The following SLX4IP variants were observed in gnomAD, a reference collection of about 807,000 sequenced individuals.
SLX4IP encodes protein SLX4IP.
In SLX4IP, 34 loss-of-function variants were observed where a neutral mutation model predicts 32.9. The observed-to-expected ratio is 1.03, with a 90% CI of 0.79 to 1.38. SLX4IP has a LOEUF of 1.38. Ranked by LOEUF, SLX4IP falls within the 40% of genes most tolerant of loss-of-function variation. The probability of loss-of-function intolerance (pLI) is 0.00; values close to 1 mark genes in which losing one functional copy is unlikely to be tolerated. For missense variants in SLX4IP, 444 were observed against 479.0 expected (o/e 0.93, Z 0.68); for synonymous variants, 172 against 171.7 (o/e 1.00, Z -0.01).
chr20:10,454,434 A>C (rs1032577574), intron 1 of SLX4IP, among the ~76,000 whole-genome samples: 1 of 151,982 alleles, frequency 6.6e-6, no homozygotes, highest in Non-Finnish European at 1.5e-5. Flanking sequence ...TGTATTCCCT[A>C]ATGTCTCTTT....
At chr20:10,606,640 T>C (rs1033700438) in intron 6 of SLX4IP, among the ~76,000 whole-genome samples, 1 of 152,292 alleles carries the variant, frequency 6.6e-6, no homozygotes, top group Non-Finnish European at 1.5e-5. Flanking sequence ...ATGACCAATA[T>C]TGTACATATT....
At position 10,512,609 on chromosome 20, in the gene SLX4IP, AATATATATAGT is replaced by A. The variant is rs557046131; in HGVS notation, c.28-43619_28-43609del. ...GTATATATACATTATATATATATAA[AATATATATAGT>A]ATTATATATTATATATAGTATATAT... On this transcript the variant is annotated intron_variant, in intron 2 of 7. Transcript: ENST00000334534. Among the ~76,000 whole-genome samples the A allele has an allele frequency of 5.2e-4, 75 of 144,400 alleles. No individual in the cohort carries two copies. In the East Asian group the frequency reaches 0.01, roughly 19 times the overall value. 94.7% of individuals were successfully genotyped at this position (144,400 alleles called of 152,430 possible). A position where few individuals can be genotyped will look rare whatever the true frequency, so the allele number is the denominator to read the frequency against.
At chr20:10,497,740 G>C (rs887617327) in intron 2 of SLX4IP, among the ~76,000 whole-genome samples, 1 of 151,976 alleles carries the variant, frequency 6.6e-6, no homozygotes, top group Non-Finnish European at 1.5e-5. Context: ...TATTGACTTT[G>C]TTGGTCACTT....
intron 6 of SLX4IP, among the ~76,000 whole-genome samples, chr20:10,607,055 T>C (rs984221648): frequency 6.6e-6 from 1 of 152,262 alleles, no homozygotes; most frequent in African/African-American, 2.4e-5. Context: ...TAAACACTTG[T>C]ATTTTCTTCT....
chr20:10,613,205 A>G (rs1392711142), intron 6 of SLX4IP: 1 of 549,456 alleles, frequency 1.8e-6, no homozygotes, highest in South Asian at 2.1e-5. Context: ...CACCCTCCCA[A>G]CTGTCACCAC....
chr20:10,459,040 T>G (rs772928117), intron 2 of SLX4IP, among the ~76,000 whole-genome samples: 1 of 152,270 alleles, frequency 6.6e-6, no homozygotes, highest in Non-Finnish European at 1.5e-5. Context: ...TCCTGACTTT[T>G]TAATAATCGC....
At chr20:10,451,588 C>G (rs79949881) in intron 1 of SLX4IP, among the ~76,000 whole-genome samples, 2,155 of 152,272 alleles carry the variant, frequency 0.014, 46 homozygotes, top group African/African-American at 0.047. Flanking sequence ...TAACCAATTT[C>G]AAAGTCTTGG....
intron 1 of SLX4IP, among the ~76,000 whole-genome samples, chr20:10,448,675 C>T (rs1046307935): frequency 2.0e-5 from 3 of 152,130 alleles, no homozygotes; most frequent in African/African-American, 7.2e-5. Context: ...GGATCACCTG[C>T]GAGAGCAGGC....
At chr20:10,613,579 C>G (rs1206446159) in intron 6 of SLX4IP, 70 of 1,612,718 alleles carry the variant, frequency 4.3e-5, no homozygotes, top group Non-Finnish European at 5.8e-5. Context: ...TTCAGGCTAT[C>G]CACGCCTTCA....
At chr20:10,528,397 A>G (rs930554169) in intron 2 of SLX4IP, among the ~76,000 whole-genome samples, 4 of 152,084 alleles carry the variant, frequency 2.6e-5, no homozygotes, top group African/African-American at 9.7e-5. Context: ...TGGGATTTGC[A>G]CCTTTCACAG....
In SLX4IP at chr20:10,451,063, T is replaced by A. The variant is rs368243258; in HGVS notation, c.-29-7113T>A. The stretch of plus-strand genomic sequence containing the variant: ...CACCGTGCCCGGCAGGCCTAGTGTT[T>A]TTGTATGTCATTTTATTTAGTCCTT... On this transcript the variant is annotated intron_variant, in intron 1 of 7. Transcript: ENST00000334534. Among the ~76,000 whole-genome samples, 21 of 121,712 alleles carry A rather than the reference T, an allele frequency of 1.7e-4. No individual in the cohort carries two copies. In the East Asian group the frequency reaches 3.6e-3, roughly 21 times the overall value. 79.8% of individuals were successfully genotyped at this position (121,712 alleles called of 152,430 possible).
intron 3 of SLX4IP, 105 bp downstream of exon 3, chr20:10,556,425 G>A (rs542950133): frequency 2.6e-4 from 297 of 1,132,682 alleles, no homozygotes; most frequent in Middle Eastern, 5.2e-4. Context: ...AAAATGTTGC[G>A]TATTTAATCC....
intron 1 of SLX4IP, among the ~76,000 whole-genome samples, chr20:10,447,383 T>C (rs984236188): frequency 1.3e-5 from 2 of 152,232 alleles, no homozygotes; most frequent in Non-Finnish European, 2.9e-5. Context: ...TTAGTCTTTC[T>C]CAGTTTCCCT....
chr20:10,498,705 C>T (rs1420996136), intron 2 of SLX4IP, among the ~76,000 whole-genome samples: 2 of 146,816 alleles, frequency 1.4e-5, no homozygotes, highest in East Asian at 2.0e-4. Flanking sequence ...TTTGTGGTGA[C>T]GGAGTTTACA....
chr20:10,537,268 A>T (rs1412600776), intron 2 of SLX4IP, among the ~76,000 whole-genome samples: 6 of 152,182 alleles, frequency 3.9e-5, no homozygotes. Flanking sequence ...TGCAGGAACT[A>T]CTTTAAGGGC....
chr20:10,553,615 A>G (rs2066239099), intron 2 of SLX4IP, among the ~76,000 whole-genome samples: 2 of 152,230 alleles, frequency 1.3e-5, no homozygotes, highest in South Asian at 4.1e-4. Flanking sequence ...CTTTAACAGT[A>G]TACTTGAGTG....
At chr20:10,559,121 GT>G (rs200493647) in intron 3 of SLX4IP, among the ~76,000 whole-genome samples, 13 of 149,016 alleles carry the variant, frequency 8.7e-5, no homozygotes, top group Admixed American at 4.7e-4. Flanking sequence ...TTCTTTAATT[GT>G]TTTTTAAAAA....
chr20:10,474,184 G>A (rs1388959620), intron 2 of SLX4IP, among the ~76,000 whole-genome samples: 1 of 152,126 alleles, frequency 6.6e-6, no homozygotes, highest in Non-Finnish European at 1.5e-5. Context: ...CCAAAGTGCT[G>A]GGTTTACAGG....
chr20:10,451,077 T>TAA (rs199580734), intron 1 of SLX4IP, among the ~76,000 whole-genome samples: 74,374 of 151,794 alleles, frequency 0.49, 19,671 homozygotes, highest in Non-Finnish European at 0.6. Context: ...TATGTCATTT[T>TAA]ATTTAGTCCT....
Sources: allele counts gnomAD v4.1 joint callset (sites outside exome capture counted in the v4.1 genomes callset), GRCh38; gene constraint gnomAD v4.1.1; transcripts MANE v1.5; gene names NCBI Gene and HGNC (gene_info 2026-07-23, HGNC 2026-07-21).